The following VPS13B variants were observed in gnomAD, a reference collection of about 807,000 sequenced individuals.
VPS13B encodes the protein intermembrane lipid transfer protein VPS13B.
VPS13B carries 285 observed loss-of-function variants against 426.4 expected under a neutral mutation model. That is an observed-to-expected ratio of 0.67 (90% CI 0.61 to 0.74). The LOEUF (loss-of-function observed/expected upper bound fraction) is 0.74, where lower values mean the gene tolerates loss of function less well. VPS13B is among the 30% of genes least tolerant of loss of function. The probability of loss-of-function intolerance (pLI) is 0.00; values close to 1 mark genes in which losing one functional copy is unlikely to be tolerated. For missense variants in VPS13B, 4,537 were observed against 4,782.6 expected, an observed-to-expected ratio of 0.95 and a Z score of 1.51; for synonymous variants, 1,676 against 1,676.4, an observed-to-expected ratio of 1.00 and a Z score of 0.01.
chr8:99,515,426 C>G (rs556486295), intron 29 of VPS13B, among the ~76,000 whole-genome samples: 30 of 151,038 alleles, frequency 2.0e-4, no homozygotes, highest in Admixed American at 1.1e-3. Context: ...TCCTCCTCCT[C>G]CTGCTGCTGC....
chr8:99,603,599 A>G (rs565724200), intron 33 of VPS13B, among the ~76,000 whole-genome samples: 2 of 152,352 alleles, frequency 1.3e-5, no homozygotes, highest in African/African-American at 4.8e-5. Flanking sequence ...TATATACCAC[A>G]TAGATACACT....
intron 33 of VPS13B, among the ~76,000 whole-genome samples, chr8:99,636,061 A>G (rs1269855909): frequency 6.6e-6 from 1 of 151,982 alleles, no homozygotes; most frequent in Non-Finnish European, 1.5e-5. Context: ...CGCTGAAATG[A>G]TCTAAGAAGT....
intron 43 of VPS13B, among the ~76,000 whole-genome samples, chr8:99,790,478 A>G (rs13253939): frequency 0.096 from 14,679 of 152,202 alleles, 920 homozygotes; most frequent in Non-Finnish European, 0.14. Flanking sequence ...AGGGACCCAG[A>G]AAAGTAAAAA....
chr8:99,371,535 G>A (rs1813179249), intron 19 of VPS13B, among the ~76,000 whole-genome samples: 1 of 152,184 alleles, frequency 6.6e-6, no homozygotes, highest in South Asian at 2.1e-4. Flanking sequence ...CTCCAGCTTT[G>A]TTCGTTTTGC....
chr8:99,050,370 T>C (rs1366040148), intron 3 of VPS13B, among the ~76,000 whole-genome samples: 1 of 152,218 alleles, frequency 6.6e-6, no homozygotes, highest in Non-Finnish European at 1.5e-5. Context: ...GAACTCATCC[T>C]TTTTTATGGG....
chr8:99,692,418 C>A (rs370444945), intron 35 of VPS13B, among the ~76,000 whole-genome samples: 1 of 141,884 alleles, frequency 7.0e-6, no homozygotes, highest in African/African-American at 2.7e-5. Flanking sequence ...TACATGGAAA[C>A]TGAACAACCT....
intron 51 of VPS13B, among the ~76,000 whole-genome samples, chr8:99,825,734 G>T (rs577764700): frequency 5.1e-4 from 78 of 152,236 alleles, no homozygotes; most frequent in Admixed American, 1.2e-3. Context: ...TCCATCTTCA[G>T]TTAATTTTTG....
intron 5 of VPS13B, among the ~76,000 whole-genome samples, chr8:99,109,877 T>A (rs74682910): frequency 0.014 from 2,161 of 152,266 alleles, 28 homozygotes; most frequent in Non-Finnish European, 0.025. Context: ...CTTAGTGTAG[T>A]ATCTGAGTAA....
intron 33 of VPS13B, among the ~76,000 whole-genome samples, chr8:99,632,196 A>G (rs1828874292): frequency 2.0e-5 from 3 of 151,934 alleles, no homozygotes; most frequent in Admixed American, 2.0e-4. Flanking sequence ...GTAATCATAC[A>G]CCAGGTATGA....
At chr8:99,250,542 A>T (rs2132917450) in intron 17 of VPS13B, among the ~76,000 whole-genome samples, 1 of 137,288 alleles carries the variant, frequency 7.3e-6, no homozygotes, top group East Asian at 2.1e-4. Context: ...TTCTAGCACG[A>T]TTTGTTGAAA....
At chr8:99,195,159 G>T (rs1011747052) in intron 17 of VPS13B, among the ~76,000 whole-genome samples, 2 of 152,052 alleles carry the variant, frequency 1.3e-5, no homozygotes, top group Non-Finnish European at 2.9e-5. Context: ...CCCACCAATG[G>T]TATTCTCTTT....
Position 99,823,907 on chromosome 8 carries a change from A to C in VPS13B, c.9259A>C (p.Ile3087Leu), listed in dbSNP as rs768346495. 8.7e-6 allele frequency: 14 copies of C among 1,613,600 alleles called. No individual in the cohort carries two copies. Among genetic ancestry groups the C allele is most frequent in the Non-Finnish European group, 1.2e-5 (14 of 1,179,750 alleles). ...IIQIEDKTTIINNTPYQIFYK... is the reference protein window; with the variant it reads ...IIQIEDKTTILNNTPYQIFYK... ...TCAGATTGAAGACAAGACTACAATA[A>C]TCAATAATACACCATATCAAATATT... The change falls in exon 51 of 62, where the codon ATC (isoleucine) becomes CTC (leucine). Residue 3087 changes from isoleucine (I) to leucine (L), a missense_variant. By Grantham distance (5) the Ile-to-Leu change is conservative (BLOSUM62 2). Transcript: ENST00000357162.
chr8:99,394,505 G>A (rs1214944501), intron 21 of VPS13B, among the ~76,000 whole-genome samples: 1 of 152,148 alleles, frequency 6.6e-6, no homozygotes, highest in East Asian at 1.9e-4. Context: ...AGGGCAGACT[G>A]AGCCAGAATA....
chr8:99,293,152 C>T (rs535561560), intron 19 of VPS13B, among the ~76,000 whole-genome samples: 5 of 148,558 alleles, frequency 3.4e-5, no homozygotes, highest in African/African-American at 1.2e-4. Context: ...TACTACAAGG[C>T]TACAGTAACC....
chr8:99,747,184 A>G (rs1330160030), intron 39 of VPS13B, among the ~76,000 whole-genome samples: 1 of 152,094 alleles, frequency 6.6e-6, no homozygotes, highest in Non-Finnish European at 1.5e-5. Context: ...GAGAGTCTTC[A>G]GAGCCAGAAT....
At chr8:99,104,139 G>C (rs1223072842) in intron 5 of VPS13B, among the ~76,000 whole-genome samples, 1 of 152,102 alleles carries the variant, frequency 6.6e-6, no homozygotes, top group Non-Finnish European at 1.5e-5. Flanking sequence ...CACAACCTCA[G>C]GTATATGGTA....
chr8:99,391,839 A>C, intron 21 of VPS13B, 135 bp downstream of exon 21: 2 of 1,180,804 alleles, frequency 1.7e-6, no homozygotes, highest in South Asian at 2.7e-5. Flanking sequence ...TATTATCCAC[A>C]ACATTAGCAA....
chr8:99,862,591 ATTTTT>A (rs908296320), intron 58 of VPS13B, among the ~76,000 whole-genome samples: 1 of 152,188 alleles, frequency 6.6e-6, no homozygotes, highest in Non-Finnish European at 1.5e-5. Flanking sequence ...ATTTTCAAGG[ATTTTT>A]TTGTTTATTT....
At chr8:99,779,512 C>G (rs1008044498) in intron 42 of VPS13B, among the ~76,000 whole-genome samples, 4 of 152,134 alleles carry the variant, frequency 2.6e-5, no homozygotes, top group Non-Finnish European at 5.9e-5. Context: ...GTTTTTTCCT[C>G]TACTCTTTCT....
Sources: gnomAD v4.1 joint callset for allele counts (sites outside exome capture counted in the v4.1 genomes callset) on GRCh38, gnomAD v4.1.1 for gene constraint, MANE v1.5 for transcripts, NCBI Gene and HGNC (gene_info 2026-07-23, HGNC 2026-07-21) for gene names.